The following SASH1 variants were observed in gnomAD, a reference collection of about 807,000 sequenced individuals.
SASH1 encodes the protein SAM and SH3 domain-containing protein 1.
SASH1 carries 44 observed loss-of-function variants against 125.2 expected under a neutral mutation model. The ratio of observed to expected loss-of-function variants is 0.35; its 90% CI spans 0.28 to 0.45. The LOEUF (loss-of-function observed/expected upper bound fraction) is 0.45, where lower values mean the gene tolerates loss of function less well. Among genes scored for constraint, SASH1 ranks in the 20% least tolerant of loss-of-function variants. The probability of loss-of-function intolerance (pLI) is 1.00; values close to 1 mark genes in which losing one functional copy is unlikely to be tolerated. For synonymous variants in SASH1, 639 were observed against 649.1 expected (o/e 0.98, Z 0.24); for missense variants, 1,426 against 1,614.5 (o/e 0.88, Z 2.00).
At chr6:148,341,895 ACT>A (rs529986819), upstream of SASH1, among the ~76,000 whole-genome samples, 71 of 152,178 alleles carry the variant, frequency 4.7e-4, 2 homozygotes, top group South Asian at 0.013. Flanking sequence ...TCCAAGGAAA[ACT>A]CTGAGTAGTC....
chr6:148,200,304 C>G, the SASH1 span, among the ~76,000 whole-genome samples: 14 of 152,166 alleles, frequency 9.2e-5, no homozygotes, highest in Admixed American at 3.3e-4. Flanking sequence ...TAGCCTGAAA[C>G]ATTGGTTCAG....
intron 2 of SASH1, among the ~76,000 whole-genome samples, chr6:148,401,162 G>A (rs1425903885): frequency 6.6e-6 from 1 of 151,882 alleles, no homozygotes; most frequent in African/African-American, 2.4e-5. Flanking sequence ...GTTAAGGTGG[G>A]AGGATGGCTT....
intron 2 of SASH1, among the ~76,000 whole-genome samples, chr6:148,392,048 AC>A (rs1783746979): frequency 2.6e-5 from 4 of 152,046 alleles, no homozygotes; most frequent in African/African-American, 9.7e-5. Context: ...ACTTTGGGAG[AC>A]CGAGGCTGGC....
chr6:148,216,105 C>T, the SASH1 span, among the ~76,000 whole-genome samples: 2 of 151,996 alleles, frequency 1.3e-5, no homozygotes, highest in African/African-American at 4.8e-5. Flanking sequence ...GTGATCTGCC[C>T]GCCTCGGCCT....
chr6:148,261,288 C>A, the SASH1 span, among the ~76,000 whole-genome samples: 2 of 152,118 alleles, frequency 1.3e-5, no homozygotes, highest in African/African-American at 4.8e-5. Context: ...GTGGCTGTAC[C>A]ACCCAAGCTT....
At chr6:148,305,225 A>T (rs546461911) in intron 1 of SASH1, among the ~76,000 whole-genome samples, 1 of 152,136 alleles carries the variant, frequency 6.6e-6, no homozygotes, top group Non-Finnish European at 1.5e-5. Flanking sequence ...CTACTGCTGC[A>T]TGGGTTCCTG....
At chr6:148,483,358 T>C (rs1054101372) in intron 7 of SASH1, among the ~76,000 whole-genome samples, 2 of 151,996 alleles carry the variant, frequency 1.3e-5, no homozygotes, top group Non-Finnish European at 2.9e-5. Context: ...TCTTAAGGGA[T>C]CCTCCCTCAT....
upstream of SASH1, among the ~76,000 whole-genome samples, chr6:148,339,788 G>A (rs956042047): frequency 2.6e-5 from 4 of 151,868 alleles, no homozygotes; most frequent in African/African-American, 9.7e-5. Context: ...CAAGTGATGT[G>A]CCTGCCTCAG....
rs6912478 is a variant in SASH1, at chr6:148,284,071, T to C, written n.74+11694T>C. 7.8e-4 allele frequency among the ~76,000 whole-genome samples: 118 copies of C among 152,254 alleles called. No individual in the cohort carries two copies. In the Middle Eastern group the frequency reaches 0.014, roughly 18 times the overall value. The stretch of plus-strand genomic sequence containing the variant: ...GATATAATCATTCCAATGACCACTA[T>C]AGGAACCTACCCGAAGATTTTTGAT... On this transcript the variant is annotated intron_variant and non_coding_transcript_variant, in intron 1 of 3. Coordinates refer to the SASH1 transcript ENST00000367469.
At chr6:148,545,236 C>A (rs1043813481) in intron 18 of SASH1, among the ~76,000 whole-genome samples, 2 of 152,132 alleles carry the variant, frequency 1.3e-5, no homozygotes, top group Non-Finnish European at 2.9e-5. Flanking sequence ...AAAATGAGAT[C>A]TACCAATACC....
chr6:148,282,217 C>T (rs1779360753), intron 1 of SASH1, among the ~76,000 whole-genome samples: 2 of 152,166 alleles, frequency 1.3e-5, no homozygotes, highest in Non-Finnish European at 2.9e-5. Flanking sequence ...CATTCCTGCA[C>T]ACTGCAGGAC....
intron 17 of SASH1, among the ~76,000 whole-genome samples, 183 bp downstream of exon 17, chr6:148,540,739 T>C (rs534664492): frequency 6.6e-6 from 1 of 152,276 alleles, no homozygotes; most frequent in Admixed American, 6.5e-5. Flanking sequence ...CTGGGTGAGG[T>C]TAATAAATTC....
chr6:148,543,853 A>G lies in SASH1; in HGVS notation c.2383A>G (p.Thr795Ala). Residue 795 changes from threonine (T) to alanine (A), a missense_variant, in exon 18 of 20, where the codon ACG becomes GCG. Physicochemically the swap from Thr to Ala is moderately conservative, Grantham distance 58. This residue lies in a region of SASH1 where 634 missense variants were observed against 694.4 expected (regional missense o/e 0.91). Transcript: ENST00000367467. ...GCTGGGTGGTGGCCTTGCCCCAGAC[A>G]CGTCCAAGAGCTGTGACCCACCTGG... is the stretch of plus-strand genomic sequence containing the variant. ...GRLGGGLAPD[T>A]SKSCDPPGVT... 6.2e-7 allele frequency: 1 copy of G among 1,614,172 alleles called. No individual in the cohort carries two copies. Among genetic ancestry groups the G allele is most frequent in the South Asian group, 1.1e-5 (1 of 91,076 alleles).
intron 1 of SASH1, among the ~76,000 whole-genome samples, chr6:148,308,836 C>G (rs2128517589): frequency 6.6e-6 from 1 of 151,344 alleles, no homozygotes; most frequent in African/African-American, 2.4e-5. Context: ...GTAATCCCAG[C>G]ACTTTGGGAG....
intron 8 of SASH1, among the ~76,000 whole-genome samples, chr6:148,490,031 A>AAC (rs920025927): frequency 4.2e-5 from 6 of 143,200 alleles, no homozygotes; most frequent in Non-Finnish European, 7.6e-5. Flanking sequence ...AAAAAAAAAA[A>AAC]AACAAGAAAA....
intron 2 of SASH1, among the ~76,000 whole-genome samples, chr6:148,424,595 T>C (rs1562399517): frequency 6.6e-6 from 1 of 152,170 alleles, no homozygotes; most frequent in Non-Finnish European, 1.5e-5. Context: ...AACCTCTAAC[T>C]CCTGGCCTCT....
At chr6:148,227,900 G>A in the SASH1 span, among the ~76,000 whole-genome samples, 1 of 152,208 alleles carries the variant, frequency 6.6e-6, no homozygotes, top group Admixed American at 6.5e-5. Context: ...GTCATACTCC[G>A]ATGTAACCTC....
At position 148,354,917 on chromosome 6, in the gene SASH1, C is replaced by A. The variant is rs543920678; in HGVS notation, c.156+11694C>A. Among the ~76,000 whole-genome samples the A allele has an allele frequency of 2.2e-4, 33 of 152,236 alleles. No homozygotes were observed. In the East Asian group the frequency reaches 5.8e-3, roughly 27 times the overall value. ...TGGGATTAGGGGCATATGCCACCAC[C>A]CCCATCTGATTTTTGTATTTTAGTA... On this transcript the variant is annotated intron_variant, in intron 1 of 19. Coordinates refer to ENST00000367467, the MANE Select transcript of SASH1 (RefSeq NM_015278.5).
intron 2 of SASH1, 108 bp from the exon 3 acceptor site, chr6:148,440,076 T>C (rs1222468592): frequency 1.1e-5 from 11 of 1,006,280 alleles, no homozygotes; most frequent in Non-Finnish European, 1.7e-5. Flanking sequence ...TCCCACTCTA[T>C]ACCCCAACCT....
Sources: allele counts gnomAD v4.1 joint callset (sites outside exome capture counted in the v4.1 genomes callset), GRCh38; gene constraint gnomAD v4.1.1; regional missense constraint gnomAD v4.1.1; transcripts MANE v1.5; gene names NCBI Gene and HGNC (gene_info 2026-07-23, HGNC 2026-07-21).